MYOCOS: variants seen among roughly 807,000 people sequenced by gnomAD.
The protein encoded by MYOCOS is myocilin opposite strand.
chr1:171,624,022 G>C (rs546539308), intron 2 of MYOCOS, 44 bp downstream of exon 2: 3 of 398,572 alleles, frequency 7.5e-6, no homozygotes, highest in East Asian at 7.1e-5. Flanking sequence ...GGTTGGGACG[G>C]AGCATAACAC....
In MYOCOS at chr1:171,626,538, G is replaced by T. The variant is rs543894901; in HGVS notation, c.180G>T (p.Arg60Ser). The change falls in exon 3 of 3, where the codon AGG becomes AGT. Residue 60 changes from arginine to serine, a missense_variant. Physicochemically the swap from Arg to Ser is moderately radical, Grantham distance 110. Transcript: ENST00000637642. ...TGGAGCAAGCCCCTCCCCCTCACAG[G>T]ACCTACCTCACAGTACCTCCTGCCC... Reference protein sequence around the residue: ...LDLEQAPPPHRTYLTVPPAPP... With the variant: ...LDLEQAPPPHSTYLTVPPAPP... 3.8e-5 allele frequency: 15 copies of T among 398,586 alleles called. No homozygotes were observed. Among genetic ancestry groups the T allele is most frequent in the African/African-American group, 3.1e-4 (15 of 48,738 alleles). 24.7% of individuals were successfully genotyped at this position (398,586 alleles called of 1,614,324 possible).
At chr1:171,621,871 A>T (rs1455585287), upstream of MYOCOS, among the ~76,000 whole-genome samples, 6 of 152,236 alleles carry the variant, frequency 3.9e-5, no homozygotes, top group South Asian at 1.0e-3. Context: ...TTTAAAAATT[A>T]AAAAAATGCA....
chr1:171,603,656 C>A (rs12088873), intron 1 of MYOCOS, among the ~76,000 whole-genome samples: 2,372 of 152,344 alleles, frequency 0.016, 62 homozygotes, highest in African/African-American at 0.054. Flanking sequence ...CGGCCCCCGC[C>A]ATGAGGCTAC....
At chr1:171,623,105 T>TG (rs1482406241) in intron 1 of MYOCOS, among the ~76,000 whole-genome samples, 2 of 152,088 alleles carry the variant, frequency 1.3e-5, no homozygotes, top group African/African-American at 4.8e-5. Flanking sequence ...GGCATGCACC[T>TG]GTAGTCTCAG....
At chr1:171,607,847 C>T (rs1413078657) in intron 1 of MYOCOS, among the ~76,000 whole-genome samples, 2 of 152,188 alleles carry the variant, frequency 1.3e-5, no homozygotes, top group Non-Finnish European at 2.9e-5. Context: ...TATTCTCATG[C>T]TGCTAATAAA....
At chr1:171,613,870 CTGT>C (rs59963188) in intron 1 of MYOCOS, among the ~76,000 whole-genome samples, 10,796 of 152,162 alleles carry the variant, frequency 0.071, 1,255 homozygotes, top group African/African-American at 0.25. Context: ...TGCCCTTTGG[CTGT>C]GGGAAATGAA....
At chr1:171,620,259 A>G (rs916592002), upstream of MYOCOS, among the ~76,000 whole-genome samples, 1 of 151,958 alleles carries the variant, frequency 6.6e-6, no homozygotes, top group Admixed American at 6.6e-5. Context: ...ATCGTGTCCT[A>G]CAAATCATAA....
chr1:171,607,801 G>T (rs1358332313), intron 1 of MYOCOS, among the ~76,000 whole-genome samples: 1 of 152,160 alleles, frequency 6.6e-6, no homozygotes, highest in African/African-American at 2.4e-5. Flanking sequence ...TTTGGCCAGG[G>T]TGTACAGAAA....
chr1:171,614,424 T>C (rs1171041947), intron 1 of MYOCOS, among the ~76,000 whole-genome samples: 1 of 152,186 alleles, frequency 6.6e-6, no homozygotes, highest in Non-Finnish European at 1.5e-5. Context: ...AATAAAGGCC[T>C]CAGCTGACCC....
chr1:171,618,491 G>C (rs989666530), upstream of MYOCOS, among the ~76,000 whole-genome samples: 2 of 152,200 alleles, frequency 1.3e-5, no homozygotes, highest in Non-Finnish European at 2.9e-5. Flanking sequence ...TGGGGTTCCA[G>C]TTCAATTCTT....
At chr1:171,617,352 G>C (rs1421912184), upstream of MYOCOS, among the ~76,000 whole-genome samples, 1 of 152,070 alleles carries the variant, frequency 6.6e-6, no homozygotes. Flanking sequence ...CAATTAACAG[G>C]GAAATGAGTG....
At chr1:171,608,478 C>T (rs751481728) in intron 1 of MYOCOS, among the ~76,000 whole-genome samples, 23 of 118,672 alleles carry the variant, frequency 1.9e-4, no homozygotes, top group Non-Finnish European at 3.2e-4. Context: ...AGTGCAGTGG[C>T]GCGATCTCGG....
At chr1:171,623,796 G>T in intron 1 of MYOCOS, 45 bp from the exon 2 acceptor site, 1 of 397,794 alleles carries the variant, frequency 2.5e-6, no homozygotes, top group South Asian at 1.3e-4. Flanking sequence ...GAGCATTCCT[G>T]ACCCCTGAAG....
chr1:171,616,477 G>A (rs1409636051), intron 2 of MYOCOS, among the ~76,000 whole-genome samples: 1 of 152,058 alleles, frequency 6.6e-6, no homozygotes, highest in Non-Finnish European at 1.5e-5. Context: ...GGAGGCAGGG[G>A]TTGTAGTGAG....
chr1:171,613,009 C>G (rs1007425811), intron 1 of MYOCOS, among the ~76,000 whole-genome samples: 9 of 152,162 alleles, frequency 5.9e-5, no homozygotes, highest in African/African-American at 2.2e-4. Context: ...TTATTTCTAG[C>G]CTTCATGTGT....
intron 1 of MYOCOS, among the ~76,000 whole-genome samples, chr1:171,602,065 T>C (rs1369887050): frequency 2.0e-5 from 3 of 151,588 alleles, no homozygotes; most frequent in Admixed American, 6.6e-5. Context: ...GGAATAGTTA[T>C]CTTCAAAAAA....
upstream of MYOCOS, among the ~76,000 whole-genome samples, chr1:171,617,548 T>A (rs546174847): frequency 2.0e-5 from 3 of 152,296 alleles, no homozygotes; most frequent in East Asian, 5.8e-4. Context: ...ATTTCCTGTT[T>A]CAACTAACTG....
chr1:171,622,450 G>A (rs1652595602), intron 1 of MYOCOS, 118 bp downstream of exon 1: 1 of 152,162 alleles, frequency 6.6e-6, no homozygotes, highest in Non-Finnish European at 1.5e-5. Flanking sequence ...TGACGTTGGT[G>A]GTCCTTTTTT....
intron 1 of MYOCOS, among the ~76,000 whole-genome samples, chr1:171,602,389 G>T (rs1652160983): frequency 6.6e-6 from 1 of 152,058 alleles, no homozygotes; most frequent in Non-Finnish European, 1.5e-5. Flanking sequence ...GCATAAAAAC[G>T]TGGATTTTTA....
Sources: allele counts gnomAD v4.1 joint callset (sites outside exome capture counted in the v4.1 genomes callset), GRCh38; gene constraint gnomAD v4.1.1; transcripts MANE v1.5; gene names NCBI Gene and HGNC (gene_info 2026-07-23, HGNC 2026-07-21).